The following PELI1 variants were observed in gnomAD, a reference collection of about 807,000 sequenced individuals.
The protein encoded by PELI1 is E3 ubiquitin-protein ligase pellino homolog 1.
A neutral mutation model predicts 41.3 loss-of-function variants in PELI1; 15 were observed. The ratio of observed to expected loss-of-function variants is 0.36; its 90% confidence interval spans 0.24 to 0.56. The LOEUF (loss-of-function observed/expected upper bound fraction) is 0.56. PELI1 is among the 20% of genes least tolerant of loss of function. The pLI is 0.82. For missense variants in PELI1, 403 were observed against 525.5 expected (o/e 0.77, Z 2.28); for synonymous variants, 178 against 180.1 (o/e 0.99, Z 0.09).
chr2:64,096,586 TG>T lies in PELI1; in HGVS notation c.327del (p.Ile110LeufsTer4). On this transcript the variant is annotated frameshift_variant, in exon 5 of 7. Transcript: ENST00000358912. LOFTEE classifies it high-confidence loss of function. ...ACCGTGTCAGTTACTACAAAATCAA[TG>T]GGGCTTTCAGTCGACCGGCCAATCT... ...MFQIGRSTES[P>X]IDFVVTDTVP... is the part of the protein sequence containing the mutation. 1 of 1,611,392 alleles carries T rather than the reference TG, an allele frequency of 6.2e-7. No homozygotes were observed. Among genetic ancestry groups the T allele is most frequent in the Non-Finnish European group, 8.5e-7 (1 of 1,178,436 alleles).
At chr2:64,099,953 T>A (rs560932260) in intron 4 of PELI1, among the ~76,000 whole-genome samples, 1 of 152,192 alleles carries the variant, frequency 6.6e-6, no homozygotes, top group African/African-American at 2.4e-5. Flanking sequence ...AGTGCCTGGA[T>A]TGTTTATTGT....
At chr2:64,139,315 T>C (rs889436197) in intron 1 of PELI1, among the ~76,000 whole-genome samples, 1 of 152,220 alleles carries the variant, frequency 6.6e-6, no homozygotes, top group Non-Finnish European at 1.5e-5. Context: ...TTTTAACTTC[T>C]ATTGTTTTGA....
chr2:64,122,982 G>A (rs1681272254), intron 1 of PELI1, among the ~76,000 whole-genome samples: 2 of 152,224 alleles, frequency 1.3e-5, no homozygotes, highest in South Asian at 4.2e-4. Flanking sequence ...ACAGTCATAG[G>A]GCTAAGTAGT....
chr2:64,101,190 T>C lies in PELI1; in HGVS notation c.202-691A>G, dbSNP rs140156565. Among the ~76,000 whole-genome samples, 62 of 152,300 alleles carry C rather than the reference T, an allele frequency of 4.1e-4. No homozygotes were observed. In the East Asian group the frequency reaches 0.01, roughly 26 times the overall value. On this transcript the variant is annotated intron_variant, in intron 3 of 6. Transcript: ENST00000358912. The stretch of plus-strand genomic sequence containing the variant: ...ATTTTTGAAGTCATTCAGAGAGCTA[T>C]AAAGTTCACTCATAAGCCAAGTTAA...
intron 2 of PELI1, among the ~76,000 whole-genome samples, chr2:64,107,646 G>A (rs1680663585): frequency 6.6e-6 from 1 of 151,958 alleles, no homozygotes; most frequent in African/African-American, 2.4e-5. Flanking sequence ...TGGAATGACT[G>A]TGACAGTGGA....
intron 1 of PELI1, among the ~76,000 whole-genome samples, chr2:64,116,172 TTA>T (rs1680984462): frequency 6.6e-6 from 1 of 152,192 alleles, no homozygotes; most frequent in Non-Finnish European, 1.5e-5. Context: ...GGAGAGCTGT[TTA>T]TATAGTCTTG....
Position 64,096,539 on chromosome 2 carries a change from A to G in PELI1, c.375T>C (p.Ser125=), listed in dbSNP as rs1488785278. 1 of 1,611,876 alleles carries G rather than the reference A, an allele frequency of 6.2e-7. No individual in the cohort carries two copies. Among genetic ancestry groups the G allele is most frequent in the South Asian group, 1.1e-5 (1 of 91,042 alleles). ...TAGTGCTTTGTACTGACTGTGTATC[A>G]GAATTACTTTGACTTCCAGGAACCG... The part of the protein sequence containing the change: ...TDTVPGSQSN[S]DTQSVQSTIS... Residue 125 remains serine (S), a synonymous_variant, in exon 5 of 7, where the codon TCT becomes TCC. Transcript: ENST00000358912.
chr2:64,118,443 T>C (rs538288904), intron 1 of PELI1, among the ~76,000 whole-genome samples: 212 of 152,320 alleles, frequency 1.4e-3, no homozygotes, highest in African/African-American at 4.7e-3. Flanking sequence ...CGCATGTCTG[T>C]ATTCTAGAAA....
At chr2:64,095,862 C>T (rs1357306820) in intron 6 of PELI1, among the ~76,000 whole-genome samples, 2 of 152,098 alleles carry the variant, frequency 1.3e-5, no homozygotes, top group Non-Finnish European at 2.9e-5. Context: ...AGGCTGGTCT[C>T]GAACTCCTGA....
At chr2:64,134,687 G>A (rs148647698) in intron 1 of PELI1, among the ~76,000 whole-genome samples, 2 of 152,232 alleles carry the variant, frequency 1.3e-5, no homozygotes, top group African/African-American at 4.8e-5. Context: ...GCTAACTGTA[G>A]TCTAAATTAA....
chr2:64,132,071 G>T (rs1298057705), intron 1 of PELI1, among the ~76,000 whole-genome samples: 1 of 152,186 alleles, frequency 6.6e-6, no homozygotes, highest in Non-Finnish European at 1.5e-5. Context: ...GAAAGGTACT[G>T]AATTGGCAAC....
At chr2:64,121,651 A>G (rs1681215669) in intron 1 of PELI1, among the ~76,000 whole-genome samples, 1 of 152,228 alleles carries the variant, frequency 6.6e-6, no homozygotes, top group Admixed American at 6.5e-5. Flanking sequence ...CACGCCTGTA[A>G]TCCCAGCACT....
At chr2:64,142,563 T>G (rs1037670338) in intron 1 of PELI1, among the ~76,000 whole-genome samples, 12 of 152,158 alleles carry the variant, frequency 7.9e-5, no homozygotes, top group Non-Finnish European at 1.5e-4. Context: ...AGTTAAAGAC[T>G]TTTCCCCAGA....
chr2:64,099,291 G>A (rs1010773927), intron 4 of PELI1, among the ~76,000 whole-genome samples: 1 of 151,886 alleles, frequency 6.6e-6, no homozygotes, highest in Non-Finnish European at 1.5e-5. Context: ...TCAGCCCCCT[G>A]AGTAACTGAG....
intron 1 of PELI1, among the ~76,000 whole-genome samples, chr2:64,115,757 G>A (rs1680969342): frequency 6.6e-6 from 1 of 152,132 alleles, no homozygotes; most frequent in Admixed American, 6.5e-5. Flanking sequence ...GTAGAATGGG[G>A]CTAATTCCTA....
At chr2:64,110,314 A>T (rs1330382242) in intron 1 of PELI1, among the ~76,000 whole-genome samples, 1 of 151,810 alleles carries the variant, frequency 6.6e-6, no homozygotes, top group Admixed American at 6.6e-5. Flanking sequence ...CACTGCATTT[A>T]TAACGACAAT....
chr2:64,113,578 C>T (rs1365530970), intron 1 of PELI1, among the ~76,000 whole-genome samples: 3 of 151,966 alleles, frequency 2.0e-5, no homozygotes, highest in East Asian at 3.9e-4. Context: ...GCTTGATACT[C>T]GAAAGCATGT....
chr2:64,101,971 G>A (rs1002365355), intron 3 of PELI1, among the ~76,000 whole-genome samples: 5 of 151,986 alleles, frequency 3.3e-5, no homozygotes, highest in Non-Finnish European at 5.9e-5. Context: ...GGGATTACAG[G>A]TGCATGCCAC....
rs747768589 is a variant in PELI1 at position 64,096,480 on chromosome 2, C to T, written c.434G>A (p.Arg145Gln). 6.8e-6 allele frequency: 11 copies of T among 1,613,210 alleles called. No individual in the cohort carries two copies. The highest frequency in any genetic ancestry group is 2.7e-5 in the African/African-American group (2 of 74,870). The part of the protein sequence containing the change: ...SRFACRIICE[R>Q]NPPFTARIYA... The stretch of plus-strand genomic sequence containing the variant: ...AATCCGTGCTGTAAAGGGAGGATTC[C>T]GTTCACATATGATTCTGCAGGCAAA... Residue 145 changes from arginine (R) to glutamine (Q), a missense_variant, in exon 5 of 7, where the codon CGG becomes CAG. Coordinates refer to ENST00000358912, the MANE Select transcript of PELI1 (RefSeq NM_020651.4).
Sources: allele counts gnomAD v4.1 joint callset (sites outside exome capture counted in the v4.1 genomes callset), GRCh38; gene constraint gnomAD v4.1.1; transcripts MANE v1.5; gene names NCBI Gene and HGNC (gene_info 2026-07-23, HGNC 2026-07-21).